The following IL1RAPL1 variants were observed in gnomAD, a reference collection of about 807,000 sequenced individuals.
The protein encoded by IL1RAPL1 is interleukin-1 receptor accessory protein-like 1.
A neutral mutation model predicts 48.4 loss-of-function variants in IL1RAPL1; 3 were observed. The ratio of observed to expected loss-of-function variants is 0.06; its 90% confidence interval spans 0.03 to 0.16. The LOEUF is 0.16. IL1RAPL1 is among the 10% of genes least tolerant of loss of function. The probability of loss-of-function intolerance (pLI) is 1.00; values close to 1 mark genes in which losing one functional copy is unlikely to be tolerated. For synonymous variants in IL1RAPL1, 185 were observed against 187.7 expected, an observed-to-expected ratio of 0.99 and a Z score of 0.12; for missense variants, 349 against 530.6, an observed-to-expected ratio of 0.66 and a Z score of 3.36.
chrX:28,775,062 C>A (rs1017986581), intron 1 of IL1RAPL1, among the ~76,000 whole-genome samples: 4 of 111,851 alleles, frequency 3.6e-5, no homozygotes, highest in African/African-American at 1.3e-4. Context: ...ACTGCATTAG[C>A]CTTCTACCTT....
At chrX:28,912,735 C>T (rs1454062472) in intron 2 of IL1RAPL1, among the ~76,000 whole-genome samples, 1 of 110,958 alleles carries the variant, frequency 9.0e-6, no homozygotes, top group Non-Finnish European at 1.9e-5. Context: ...ATTTAAAATG[C>T]ACCTGAATTT....
chrX:29,352,569 TG>T (rs1435183623), intron 3 of IL1RAPL1, among the ~76,000 whole-genome samples: 1 of 110,683 alleles, frequency 9.0e-6, no homozygotes, highest in Non-Finnish European at 1.9e-5. Context: ...TTAGCTTTAC[TG>T]GGTAGAGGTT....
intron 2 of IL1RAPL1, among the ~76,000 whole-genome samples, chrX:28,948,848 A>C (rs1174508232): frequency 1.8e-5 from 2 of 110,997 alleles, no homozygotes; most frequent in Non-Finnish European, 3.8e-5. Flanking sequence ...ATAAAGTTTA[A>C]TTTATAAAGT....
chrX:28,736,733 G>A (rs1935830856), intron 1 of IL1RAPL1, among the ~76,000 whole-genome samples: 1 of 111,993 alleles, frequency 8.9e-6, no homozygotes, highest in African/African-American at 3.2e-5. Context: ...GGATAAAAAA[G>A]TAGGCAAAAT....
At position 28,843,199 on chromosome X, in the gene IL1RAPL1, G is replaced by A. The variant is rs146135935; in HGVS notation, c.82+53774G>A. On this transcript the variant is annotated intron_variant, in intron 2 of 10. Transcript: ENST00000378993. ...TTTCTATACCATAAAGAAAAAATGT[G>A]TAAGATAATCCCTCGCTATCGGGAT... Among the ~76,000 whole-genome samples the A allele has an allele frequency of 6.6e-3, 728 of 110,761 alleles. 11 individuals carry two copies. The highest frequency in any genetic ancestry group is 0.023 in the African/African-American group (710 of 30,622).
intron 1 of IL1RAPL1, among the ~76,000 whole-genome samples, chrX:28,641,056 T>C (rs1175434218): frequency 9.1e-6 from 1 of 109,826 alleles, no homozygotes; most frequent in African/African-American, 3.3e-5. Context: ...TGACTAGAAA[T>C]GTAGGATTTT....
chrX:29,405,277 T>G (rs1319447929), intron 5 of IL1RAPL1, among the ~76,000 whole-genome samples: 1 of 109,944 alleles, frequency 9.1e-6, no homozygotes, highest in Non-Finnish European at 1.9e-5. Context: ...CTCCACTCTT[T>G]TATTGCTTGC....
At chrX:28,960,899 A>G (rs1924752437) in intron 2 of IL1RAPL1, among the ~76,000 whole-genome samples, 1 of 105,959 alleles carries the variant, frequency 9.4e-6, no homozygotes, top group Non-Finnish European at 1.9e-5. Flanking sequence ...AGTCCCAGCT[A>G]CTCGGGAGTC....
intron 1 of IL1RAPL1, among the ~76,000 whole-genome samples, chrX:28,737,046 CCTTTTCTTTTCTTTTCTTTTCTTTT>C (rs146038961): frequency 2.0e-3 from 185 of 94,335 alleles, no homozygotes; most frequent in African/African-American, 6.8e-3. Context: ...CTGAATATTT[CCTTTTCTTTTCTTTTCTTTTCTTTT>C]CTTTTCTTTT....
chrX:28,871,057 G>A (rs1217053592), intron 2 of IL1RAPL1, among the ~76,000 whole-genome samples: 1 of 111,715 alleles, frequency 9.0e-6, no homozygotes, highest in African/African-American at 3.3e-5. Flanking sequence ...ATTATTAATA[G>A]CATATTAAAA....
At chrX:29,367,407 CA>C (rs1272547628) in intron 3 of IL1RAPL1, among the ~76,000 whole-genome samples, 1 of 110,755 alleles carries the variant, frequency 9.0e-6, no homozygotes, top group Non-Finnish European at 1.9e-5. Context: ...TATTGTCTGG[CA>C]AATATTATTA....
At chrX:29,127,482 T>C (rs991607667) in intron 2 of IL1RAPL1, among the ~76,000 whole-genome samples, 5 of 112,210 alleles carry the variant, frequency 4.5e-5, no homozygotes, top group Non-Finnish European at 9.4e-5. Flanking sequence ...ATGCTAATTA[T>C]GCCCAAAAGT....
At chrX:29,483,926 C>T (rs764805906) in intron 5 of IL1RAPL1, among the ~76,000 whole-genome samples, 3 of 107,910 alleles carry the variant, frequency 2.8e-5, no homozygotes, top group African/African-American at 6.8e-5. Context: ...CTCCTGGCCT[C>T]GAGCAATCCA....
chrX:29,046,785 A>C (rs1926980947), intron 2 of IL1RAPL1, among the ~76,000 whole-genome samples: 1 of 112,019 alleles, frequency 8.9e-6, no homozygotes, highest in African/African-American at 3.2e-5. Flanking sequence ...GATTGTCCTA[A>C]AATGGAGGAA....
At chrX:29,633,505 A>G (rs1924861428) in intron 5 of IL1RAPL1, among the ~76,000 whole-genome samples, 1 of 108,133 alleles carries the variant, frequency 9.2e-6, no homozygotes, top group East Asian at 2.8e-4. Context: ...ACACACACAT[A>G]TATATGATAG....
At chrX:29,610,357 A>C (rs373491681) in intron 5 of IL1RAPL1, among the ~76,000 whole-genome samples, 1 of 111,810 alleles carries the variant, frequency 8.9e-6, no homozygotes, top group Non-Finnish European at 1.9e-5. Flanking sequence ...TAAACTCTTC[A>C]TGGTGGCCAG....
chrX:29,616,436 G>A (rs766739068), intron 5 of IL1RAPL1, among the ~76,000 whole-genome samples: 2 of 108,093 alleles, frequency 1.9e-5, no homozygotes. Context: ...CCATTAACTC[G>A]TCATTTAACG....
At chrX:28,692,105 C>CT (rs1935184857) in intron 1 of IL1RAPL1, among the ~76,000 whole-genome samples, 1 of 110,339 alleles carries the variant, frequency 9.1e-6, no homozygotes, top group East Asian at 2.9e-4. Flanking sequence ...TAAAAACCCC[C>CT]TTTTTTCTGG....
In IL1RAPL1 at chrX:29,363,658, C is replaced by T. The variant is rs143222133; in HGVS notation, c.363-32600C>T. ...ACAGGAAGCATAGTAGCTTCTGCAT[C>T]TCGGGAGGCCTCAGGAAACTTATAA... On this transcript the variant is annotated intron_variant, in intron 3 of 10. Transcript: ENST00000378993. 4.4e-3 allele frequency among the ~76,000 whole-genome samples: 493 copies of T among 111,302 alleles called. 4 individuals are homozygous for T. Among genetic ancestry groups the T allele is most frequent in the African/African-American group, 0.013 (388 of 30,652 alleles).
Sources: gnomAD v4.1 joint callset for allele counts (sites outside exome capture counted in the v4.1 genomes callset) on GRCh38, gnomAD v4.1.1 for gene constraint, MANE v1.5 for transcripts, NCBI Gene and HGNC (gene_info 2026-07-23, HGNC 2026-07-21) for gene names.